The following LHPP variants were observed in gnomAD, a reference collection of about 807,000 sequenced individuals.
LHPP encodes phospholysine phosphohistidine inorganic pyrophosphate phosphatase.
LHPP carries 24 observed loss-of-function variants against 30.3 expected under a neutral mutation model. That is an observed-to-expected ratio of 0.79 (90% CI 0.57 to 1.11). The LOEUF is 1.11. LHPP is among the 50% of genes most tolerant of loss of function. LHPP has a pLI of 0.00. For missense variants in LHPP, 356 were observed against 367.2 expected, an observed-to-expected ratio of 0.97 and a Z score of 0.25; for synonymous variants, 150 against 157.1, an observed-to-expected ratio of 0.95 and a Z score of 0.34.
rs954840338 is a variant in LHPP, at chr10:124,523,505, C to T, written c.716+6234C>T. ...TCCCAGACTTCGCAGTGACGGATTT[C>T]AGAGTGTTTCCTGTTACGAGAAGGC... On this transcript the variant is annotated intron_variant, in intron 6 of 6. Coordinates refer to ENST00000368842, the MANE Select transcript of LHPP (RefSeq NM_022126.4). The surrounding 1 kb of genome is among the most constrained non-coding windows in gnomAD (Gnocchi z 4.2). 6.6e-6 allele frequency among the ~76,000 whole-genome samples: 1 copy of T among 152,252 alleles called. No homozygotes were observed. Among genetic ancestry groups the T allele is most frequent in the Non-Finnish European group, 1.5e-5 (1 of 68,046 alleles).
chr10:124,557,307 C>T (rs560895804), intron 6 of LHPP, among the ~76,000 whole-genome samples: 1 of 152,324 alleles, frequency 6.6e-6, no homozygotes, highest in African/African-American at 2.4e-5. Flanking sequence ...ATAGAGAAGG[C>T]CCACGCGAAC....
At chr10:124,518,785 C>T (rs764769187) in intron 6 of LHPP, among the ~76,000 whole-genome samples, 5 of 152,320 alleles carry the variant, frequency 3.3e-5, no homozygotes, top group South Asian at 2.1e-4. Flanking sequence ...CCACAGCCCA[C>T]GAATGCAGGT....
intron 5 of LHPP, among the ~76,000 whole-genome samples, chr10:124,512,616 CAAAAAA>C (rs34808470): frequency 4.4e-4 from 24 of 54,182 alleles, no homozygotes; most frequent in African/African-American, 1.7e-3. Context: ...GACTCCGTCT[CAAAAAA>C]AAAAAAAAAA....
intron 6 of LHPP, among the ~76,000 whole-genome samples, chr10:124,588,050 G>C (rs1948828300): frequency 6.6e-6 from 1 of 152,214 alleles, no homozygotes; most frequent in African/African-American, 2.4e-5. Flanking sequence ...CACTGCCACT[G>C]CCCCTCTCCA....
intron 1 of LHPP, among the ~76,000 whole-genome samples, chr10:124,473,441 G>C (rs757286278): frequency 2.0e-5 from 3 of 152,162 alleles, no homozygotes; most frequent in Non-Finnish European, 4.4e-5. Context: ...CCTCTTACCT[G>C]TTGCAAAGCT....
At chr10:124,550,274 G>T (rs1456929987) in intron 6 of LHPP, among the ~76,000 whole-genome samples, 1 of 152,224 alleles carries the variant, frequency 6.6e-6, no homozygotes, top group Non-Finnish European at 1.5e-5. Flanking sequence ...GCAGCTGCGG[G>T]GCAGGGGGCT....
intron 6 of LHPP, among the ~76,000 whole-genome samples, chr10:124,573,355 GT>G (rs1374904900): frequency 6.6e-6 from 1 of 152,184 alleles, no homozygotes. Context: ...GTCTTACTCT[GT>G]CATTCAGGCT....
rs1296953038 is a variant in LHPP, at chr10:124,478,222, A to G, written c.126-5917A>G. ...CGGAGGATGGGATCTGGCTGGGTGC[A>G]TGGCTGTGGGGCCTCCAGGAGGAAG... On this transcript the variant is annotated intron_variant, in intron 1 of 6. Transcript: ENST00000368842. This position sits in a 1 kb window ranked among gnomAD's most constrained non-coding sequence, Gnocchi z 4.7. Among the ~76,000 whole-genome samples the G allele has an allele frequency of 6.6e-6, 1 of 152,192 alleles. No individual in the cohort carries two copies. Among genetic ancestry groups the G allele is most frequent in the African/African-American group, 2.4e-5 (1 of 41,450 alleles).
At chr10:124,485,095 G>A (rs1189802501) in intron 2 of LHPP, among the ~76,000 whole-genome samples, 1 of 152,072 alleles carries the variant, frequency 6.6e-6, no homozygotes, top group Admixed American at 6.6e-5. Context: ...GGCAAGGTGG[G>A]GGCTCTCAAG....
At chr10:124,575,503 A>T (rs1948646372) in intron 6 of LHPP, among the ~76,000 whole-genome samples, 1 of 152,068 alleles carries the variant, frequency 6.6e-6, no homozygotes, top group Admixed American at 6.5e-5. Context: ...TCTTCCTAGG[A>T]TGCGTCAGCC....
intron 6 of LHPP, among the ~76,000 whole-genome samples, chr10:124,558,811 C>A (rs968000486): frequency 6.6e-6 from 1 of 152,242 alleles, no homozygotes; most frequent in Non-Finnish European, 1.5e-5. Context: ...AGGAGCCATC[C>A]GAGCAGGCCC....
chr10:124,535,943 C>G (rs1955013734), intron 6 of LHPP, among the ~76,000 whole-genome samples: 1 of 152,276 alleles, frequency 6.6e-6, no homozygotes, highest in Non-Finnish European at 1.5e-5. Flanking sequence ...TGGACCTCCC[C>G]TAATTCAGCC....
intron 5 of LHPP, chr10:124,498,659 T>TA: frequency 4.1e-5 from 22 of 540,438 alleles, no homozygotes; most frequent in Non-Finnish European, 6.0e-5. Context: ...CTTTTCTTTT[T>TA]CTTTTTTTTT....
intron 6 of LHPP, among the ~76,000 whole-genome samples, chr10:124,570,647 A>G (rs1478153058): frequency 6.6e-6 from 1 of 152,148 alleles, no homozygotes; most frequent in Non-Finnish European, 1.5e-5. Context: ...CCCAGCCCCT[A>G]GCAGCCTCCA....
At chr10:124,464,178 G>A (rs1381303471) in intron 1 of LHPP, among the ~76,000 whole-genome samples, 3 of 152,300 alleles carry the variant, frequency 2.0e-5, no homozygotes, top group African/African-American at 7.2e-5. Context: ...AAGGCCTCCT[G>A]TTGGCATCCC....
At position 124,596,610 on chromosome 10, in the gene LHPP, T is replaced by A. The variant is rs1265932239; in HGVS notation, c.717-16654T>A. Among the ~76,000 whole-genome samples, 1 of 152,182 alleles carries A rather than the reference T, an allele frequency of 6.6e-6. No homozygotes were observed. ...TCTCTAGGTTGGGGCCACTCTTTTC[T>A]TGGAACAAGAGCCCTAAACGTGGGA... On this transcript the variant is annotated intron_variant, in intron 6 of 6. Coordinates refer to ENST00000368842, the MANE Select transcript of LHPP (RefSeq NM_022126.4). The surrounding 1 kb of genome is among the most constrained non-coding windows in gnomAD (Gnocchi z 4.6).
At chr10:124,610,390 G>GGGTGCA (rs1318719005) in intron 6 of LHPP, among the ~76,000 whole-genome samples, 3 of 147,546 alleles carry the variant, frequency 2.0e-5, no homozygotes, top group African/African-American at 8.0e-5. Flanking sequence ...GTGAGGGTGC[G>GGGTGCA]GGTGAGGGTG....
intron 6 of LHPP, among the ~76,000 whole-genome samples, chr10:124,552,907 A>G (rs1176500387): frequency 6.6e-6 from 1 of 152,270 alleles, no homozygotes; most frequent in African/African-American, 2.4e-5. Context: ...TAAACCTAAT[A>G]TAATCCATAG....
intron 6 of LHPP, among the ~76,000 whole-genome samples, chr10:124,577,273 T>A (rs1485204518): frequency 6.6e-6 from 1 of 152,130 alleles, no homozygotes; most frequent in African/African-American, 2.4e-5. Context: ...AACCCAAGAC[T>A]AGACCATCCC....
Sources: allele counts gnomAD v4.1 joint callset (sites outside exome capture counted in the v4.1 genomes callset), GRCh38; gene constraint gnomAD v4.1.1; non-coding constraint Gnocchi (gnomAD v3.1); transcripts MANE v1.5; gene names NCBI Gene and HGNC (gene_info 2026-07-23, HGNC 2026-07-21).